FAAH2: variants seen among roughly 807,000 people sequenced by gnomAD.
FAAH2 encodes the protein fatty-acid amide hydrolase 2.
Under a neutral mutation model 36.9 loss-of-function variants are expected in FAAH2, and 60 were observed. The observed-to-expected ratio is 1.63, with a 90% CI of 1.32 to 2.02. The LOEUF is 2.02. Ranked by LOEUF, FAAH2 falls within the 30% of genes most tolerant of loss-of-function variation. The pLI, the probability that FAAH2 is intolerant of heterozygous loss-of-function variation, is 0.00. For missense variants in FAAH2, 689 were observed against 397.5 expected (o/e 1.73, Z -6.23); for synonymous variants, 214 against 143.8 (o/e 1.49, Z -3.49).
intron 7 of FAAH2, among the ~76,000 whole-genome samples, chrX:57,419,155 G>T (rs947415486): frequency 5.5e-5 from 6 of 110,071 alleles, no homozygotes; most frequent in Admixed American, 1.9e-4. Flanking sequence ...CTTTGCTATT[G>T]TGAATAGTGC....
At chrX:57,231,372 C>T in the FAAH2 span, among the ~76,000 whole-genome samples, 33 of 110,954 alleles carry the variant, frequency 3.0e-4, no homozygotes, top group Admixed American at 3.1e-3. Flanking sequence ...ATATTCCTTT[C>T]CCCCAGAGAA....
At chrX:57,184,056 GTCAGACCGTTCTCTGC>G in the FAAH2 span, among the ~76,000 whole-genome samples, 6 of 110,729 alleles carry the variant, frequency 5.4e-5, no homozygotes, top group Non-Finnish European at 9.5e-5. Context: ...TAAATTTGTG[GTCAGACCGTTCTCTGC>G]TCTTGAACCC....
At chrX:57,380,447 C>T (rs745405044) in intron 6 of FAAH2, among the ~76,000 whole-genome samples, 45 of 111,832 alleles carry the variant, frequency 4.0e-4, no homozygotes, top group Admixed American at 5.7e-4. Context: ...GCTCCAGAAA[C>T]CTGATCCACT....
At chrX:57,198,921 T>G in the FAAH2 span, among the ~76,000 whole-genome samples, 1 of 112,438 alleles carries the variant, frequency 8.9e-6, no homozygotes, top group Admixed American at 9.4e-5. Context: ...GTTCCCCCTC[T>G]CACACTTTGG....
chrX:57,208,438 T>C, the FAAH2 span, among the ~76,000 whole-genome samples: 1 of 112,066 alleles, frequency 8.9e-6, no homozygotes, highest in African/African-American at 3.2e-5. Context: ...TCACCACAGG[T>C]ATTGCTTAAG....
the FAAH2 span, among the ~76,000 whole-genome samples, chrX:57,149,616 T>A: frequency 3.6e-5 from 4 of 111,648 alleles, no homozygotes; most frequent in Non-Finnish European, 7.5e-5. Context: ...CCCTTTGTCA[T>A]TTTTTATTGC....
At chrX:57,450,556 C>G (rs1434354614) in intron 10 of FAAH2, among the ~76,000 whole-genome samples, 1 of 111,576 alleles carries the variant, frequency 9.0e-6, no homozygotes, top group Non-Finnish European at 1.9e-5. Flanking sequence ...TTTGTGAGAC[C>G]TTTTGTCAAA....
chrX:57,187,891 C>T, the FAAH2 span, among the ~76,000 whole-genome samples: 2 of 111,679 alleles, frequency 1.8e-5, no homozygotes, highest in African/African-American at 6.5e-5. Flanking sequence ...TTGAACCAGC[C>T]TTGCATCTCA....
chrX:57,442,223 A>C (rs1281528054), intron 8 of FAAH2, among the ~76,000 whole-genome samples: 1 of 110,808 alleles, frequency 9.0e-6, no homozygotes, highest in African/African-American at 3.3e-5. Context: ...AAAGTCTCCC[A>C]TTATTATTGT....
chrX:57,333,485 T>A (rs765206440), intron 4 of FAAH2, among the ~76,000 whole-genome samples: 3 of 111,600 alleles, frequency 2.7e-5, no homozygotes, highest in Non-Finnish European at 5.7e-5. Context: ...ATTGAAACCA[T>A]TTGTGATTAA....
chrX:57,267,534 C>T, the FAAH2 span, among the ~76,000 whole-genome samples: 1 of 112,512 alleles, frequency 8.9e-6, no homozygotes, highest in East Asian at 2.8e-4. Context: ...CTACCATAAC[C>T]CCAACCCTTG....
chrX:57,126,376 G>A, the FAAH2 span, among the ~76,000 whole-genome samples: 1 of 112,072 alleles, frequency 8.9e-6, no homozygotes, highest in Non-Finnish European at 1.9e-5. Context: ...TTCCTCTTGG[G>A]AACAACATAA....
intron 10 of FAAH2, among the ~76,000 whole-genome samples, chrX:57,480,294 G>A (rs1471394032): frequency 9.0e-6 from 1 of 111,644 alleles, no homozygotes; most frequent in Non-Finnish European, 1.9e-5. Flanking sequence ...CCAAAGCCGG[G>A]CAAAGACACA....
At chrX:57,406,409 G>A (rs1045236761) in intron 7 of FAAH2, among the ~76,000 whole-genome samples, 6 of 111,707 alleles carry the variant, frequency 5.4e-5, no homozygotes, top group East Asian at 2.8e-4. Flanking sequence ...TAGGGGATGC[G>A]TAAGAGCCAG....
intron 2 of FAAH2, among the ~76,000 whole-genome samples, chrX:57,303,639 C>T (rs1243501489): frequency 9.0e-6 from 1 of 111,566 alleles, no homozygotes; most frequent in Non-Finnish European, 1.9e-5. Flanking sequence ...GTTATATAAC[C>T]ACCTCAGATC....
the FAAH2 span, among the ~76,000 whole-genome samples, chrX:57,139,932 A>G: frequency 0.29 from 32,171 of 111,044 alleles, 3,600 homozygotes; most frequent in Middle Eastern, 0.57. Context: ...GAGTTTATGT[A>G]TATGTAGATA....
At chrX:57,198,308 G>A in the FAAH2 span, among the ~76,000 whole-genome samples, 11 of 111,591 alleles carry the variant, frequency 9.9e-5, no homozygotes, top group African/African-American at 3.6e-4. Flanking sequence ...TTCTTAGGGG[G>A]ATTATGGCTG....
chrX:57,191,696 CTGCA>C, the FAAH2 span, among the ~76,000 whole-genome samples: 1 of 111,982 alleles, frequency 8.9e-6, no homozygotes, highest in Non-Finnish European at 1.9e-5. Flanking sequence ...TTTCCTTCTT[CTGCA>C]TGTGGATATC....
At chrX:57,182,206 G>A in the FAAH2 span, among the ~76,000 whole-genome samples, 1 of 112,351 alleles carries the variant, frequency 8.9e-6, no homozygotes, top group Non-Finnish European at 1.9e-5. Flanking sequence ...GATGCTGAAA[G>A]CAATTGCAAC....
Sources: gnomAD v4.1 joint callset for allele counts (sites outside exome capture counted in the v4.1 genomes callset) on GRCh38, gnomAD v4.1.1 for gene constraint, MANE v1.5 for transcripts, NCBI Gene and HGNC (gene_info 2026-07-23, HGNC 2026-07-21) for gene names.